EYS: variants seen among roughly 807,000 people sequenced by gnomAD.
The protein encoded by EYS is protein eyes shut homolog.
A neutral mutation model predicts 282.1 loss-of-function variants in EYS; 250 were observed. The observed-to-expected ratio is 0.89, with a 90% CI of 0.80 to 0.98. EYS has a LOEUF of 0.98. Among genes scored for constraint, EYS ranks in the 50% least tolerant of loss-of-function variants. EYS has a pLI of 0.00. For synonymous variants in EYS, 1,355 were observed against 1,282.9 expected, an observed-to-expected ratio of 1.06 and a Z score of -1.20; for missense variants, 4,016 against 3,709.0, an observed-to-expected ratio of 1.08 and a Z score of -2.15.
chr6:64,688,860 T>C (rs1770261923), intron 22 of EYS, among the ~76,000 whole-genome samples: 1 of 152,006 alleles, frequency 6.6e-6, no homozygotes, highest in Non-Finnish European at 1.5e-5. Flanking sequence ...CCACAGCCAA[T>C]ATCATACTGA....
At chr6:65,241,674 A>T (rs1317176377) in intron 12 of EYS, among the ~76,000 whole-genome samples, 1 of 151,806 alleles carries the variant, frequency 6.6e-6, no homozygotes, top group East Asian at 1.9e-4. Flanking sequence ...CCAGAAAATA[A>T]CTCTCCCCTT....
intron 30 of EYS, among the ~76,000 whole-genome samples, chr6:64,261,519 G>A (rs566584424): frequency 2.0e-5 from 3 of 152,068 alleles, no homozygotes; most frequent in South Asian, 4.2e-4. Flanking sequence ...AAATAGTAAC[G>A]AAAAGTTTTC....
At chr6:64,731,850 A>T (rs1232079832) in intron 22 of EYS, among the ~76,000 whole-genome samples, 2 of 152,188 alleles carry the variant, frequency 1.3e-5, no homozygotes, top group East Asian at 3.9e-4. Flanking sequence ...TACTAAAGAG[A>T]CACATGCACA....
intron 31 of EYS, among the ~76,000 whole-genome samples, chr6:64,147,748 T>G (rs1359669545): frequency 2.0e-5 from 3 of 152,202 alleles, no homozygotes; most frequent in African/African-American, 7.2e-5. Flanking sequence ...TAATTGCTGA[T>G]GCTCACTTTT....
chr6:65,010,316 A>G (rs146256608), intron 13 of EYS, among the ~76,000 whole-genome samples: 3 of 152,332 alleles, frequency 2.0e-5, no homozygotes, highest in South Asian at 2.1e-4. Flanking sequence ...CTGTGTGGAC[A>G]TCCATGATGT....
chr6:65,417,864 T>C (rs1402020160), intron 5 of EYS, among the ~76,000 whole-genome samples: 1 of 151,960 alleles, frequency 6.6e-6, no homozygotes, highest in Non-Finnish European at 1.5e-5. Flanking sequence ...AAGCCCAAAA[T>C]GCAATACTGG....
intron 31 of EYS, among the ~76,000 whole-genome samples, chr6:64,190,801 C>T (rs528642650): frequency 6.6e-5 from 10 of 152,192 alleles, no homozygotes; most frequent in African/African-American, 2.2e-4. Flanking sequence ...AGAATCTTAC[C>T]TTCATGAAAG....
intron 12 of EYS, among the ~76,000 whole-genome samples, chr6:65,078,818 A>G (rs1448321743): frequency 6.6e-6 from 1 of 151,888 alleles, no homozygotes; most frequent in Non-Finnish European, 1.5e-5. Flanking sequence ...TTGATCATGC[A>G]GGCAGATCCC....
At chr6:65,344,240 A>C in intron 9 of EYS, 63 bp from the exon 10 acceptor site, 1 of 1,305,880 alleles carries the variant, frequency 7.7e-7, no homozygotes, top group African/African-American at 1.5e-5. Flanking sequence ...AGAATGAATT[A>C]TTAAGGACTG....
intron 26 of EYS, among the ~76,000 whole-genome samples, chr6:64,465,553 C>T (rs554355966): frequency 4.4e-4 from 67 of 152,100 alleles, no homozygotes; most frequent in Non-Finnish European, 6.6e-4. Flanking sequence ...CACATGCAGA[C>T]TAATAAAAAT....
chr6:64,887,822 C>A (rs779760322), intron 18 of EYS, among the ~76,000 whole-genome samples: 9 of 152,044 alleles, frequency 5.9e-5, no homozygotes, highest in Non-Finnish European at 1.2e-4. Flanking sequence ...ACAGTAAATA[C>A]ATGTCAATTG....
intron 30 of EYS, among the ~76,000 whole-genome samples, chr6:64,298,319 TA>T (rs1769110781): frequency 2.0e-5 from 3 of 147,090 alleles, no homozygotes; most frequent in South Asian, 4.4e-4. Context: ...CTAAATAATT[TA>T]AAAGACTAAT....
chr6:64,612,678 C>T (rs2149845802), intron 24 of EYS, among the ~76,000 whole-genome samples: 1 of 152,076 alleles, frequency 6.6e-6, no homozygotes, highest in Middle Eastern at 3.4e-3. Context: ...AATTAATTCT[C>T]AGAAATAAAG....
chr6:64,657,685 C>A (rs926176824), intron 22 of EYS, among the ~76,000 whole-genome samples: 15 of 152,138 alleles, frequency 9.9e-5, no homozygotes, highest in Admixed American at 3.9e-4. Context: ...TATTGGCCCC[C>A]ACTCTCTTCT....
chr6:64,091,067 C>T lies in EYS; in HGVS notation c.6425-9065G>A, dbSNP rs147271523. On this transcript the variant is annotated intron_variant, in intron 31 of 42. Transcript: ENST00000503581. Reference sequence around the variant, plus strand: ...CAAGACTGCCTGATTCCCTAATTACCCCATGTGATAGCCACACTCTACTAC... The same window carrying T: ...CAAGACTGCCTGATTCCCTAATTACTCCATGTGATAGCCACACTCTACTAC... Among the ~76,000 whole-genome samples the T allele has an allele frequency of 8.8e-3, 1,333 of 152,210 alleles. 16 individuals are homozygous for T. Among genetic ancestry groups the T allele is most frequent in the African/African-American group, 0.03 (1,236 of 41,510 alleles).
chr6:65,019,884 T>C (rs374242309), intron 13 of EYS, among the ~76,000 whole-genome samples: 5 of 145,986 alleles, frequency 3.4e-5, no homozygotes, highest in East Asian at 2.0e-4. Context: ...GAAACAAACA[T>C]GTCCCTCTTC....
At position 64,409,574 on chromosome 6, in the gene EYS, C is replaced by A. The variant is rs543401617; in HGVS notation, c.5928-20734G>T. On this transcript the variant is annotated intron_variant, in intron 28 of 42. Coordinates refer to ENST00000503581, the MANE Select transcript of EYS (RefSeq NM_001142800.2). ...TTACCAAGACATGGCCACAAATAGACCATGCCACTGGTCATGAGGCTTTGG... is the reference window on the plus strand; with the variant it reads ...TTACCAAGACATGGCCACAAATAGAACATGCCACTGGTCATGAGGCTTTGG... Among the ~76,000 whole-genome samples the A allele has an allele frequency of 5.9e-5, 9 of 152,274 alleles. No individual in the cohort carries two copies. In the South Asian group the frequency reaches 1.5e-3, roughly 25 times the overall value.
At chr6:65,490,289 C>G (rs1481297391) in intron 5 of EYS, 1 of 214,868 alleles carries the variant, frequency 4.7e-6, no homozygotes, top group Non-Finnish European at 9.3e-6. Flanking sequence ...CAAATAAACA[C>G]ATGAACAATT....
chr6:65,062,699 G>A (rs1429590145), intron 12 of EYS, among the ~76,000 whole-genome samples: 1 of 151,820 alleles, frequency 6.6e-6, no homozygotes, highest in Non-Finnish European at 1.5e-5. Flanking sequence ...ATTTTTACCT[G>A]AGGGTCTTGC....
Sources: gnomAD v4.1 joint callset for allele counts (sites outside exome capture counted in the v4.1 genomes callset) on GRCh38, gnomAD v4.1.1 for gene constraint, MANE v1.5 for transcripts, NCBI Gene and HGNC (gene_info 2026-07-23, HGNC 2026-07-21) for gene names.